Variants in USP34 observed in about 807,000 individuals in gnomAD.
USP34 encodes ubiquitin specific peptidase 34, also known as ubiquitin carboxyl-terminal hydrolase 34.
USP34 carries 70 observed loss-of-function variants against 460.3 expected under a neutral mutation model. The observed-to-expected ratio is 0.15, with a 90% confidence interval of 0.13 to 0.19. The LOEUF (loss-of-function observed/expected upper bound fraction) is 0.19. USP34 is among the 10% of genes least tolerant of loss of function. The pLI, the probability that USP34 is intolerant of heterozygous loss-of-function variation, is 1.00. For synonymous variants in USP34, 1,647 were observed against 1,405.3 expected, an observed-to-expected ratio of 1.17 and a Z score of -3.85; for missense variants, 3,985 against 4,236.2, an observed-to-expected ratio of 0.94 and a Z score of 1.65.
At chr2:61,434,871 G>A (rs1694770320) in intron 1 of USP34, among the ~76,000 whole-genome samples, 1 of 151,842 alleles carries the variant, frequency 6.6e-6, no homozygotes, top group South Asian at 2.1e-4. Flanking sequence ...TCCTGTAATA[G>A]ACCCCAATCA....
chr2:61,336,644 A>G (rs1003068076), intron 18 of USP34, among the ~76,000 whole-genome samples: 1 of 151,424 alleles, frequency 6.6e-6, no homozygotes, highest in Admixed American at 6.6e-5. Flanking sequence ...ACCCCATCTC[A>G]CCTAAAAATA....
chr2:61,403,806 T>A (rs1693788757), intron 3 of USP34, among the ~76,000 whole-genome samples: 1 of 151,300 alleles, frequency 6.6e-6, no homozygotes, highest in Non-Finnish European at 1.5e-5. Flanking sequence ...GCTAACAGGG[T>A]GAAGCCCCAT....
intron 5 of USP34, among the ~76,000 whole-genome samples, chr2:61,388,764 A>AAT (rs56090495): frequency 0.018 from 2,677 of 149,092 alleles, 35 homozygotes; most frequent in Middle Eastern, 0.034. Flanking sequence ...TCAGAAAAAG[A>AAT]ATATATATAT....
chr2:61,387,242 C>T (rs986405759), intron 5 of USP34, among the ~76,000 whole-genome samples: 3 of 152,034 alleles, frequency 2.0e-5, no homozygotes, highest in Non-Finnish European at 4.4e-5. Flanking sequence ...AGTCAGATCA[C>T]TTTGAGGTCA....
chr2:61,230,383 G>A (rs1043897772), intron 58 of USP34, among the ~76,000 whole-genome samples: 11 of 152,150 alleles, frequency 7.2e-5, no homozygotes, highest in African/African-American at 9.6e-5. Context: ...AAAATTAGCC[G>A]GGCGTGGTGG....
chr2:61,463,368 A>G (rs1430372898), intron 1 of USP34, among the ~76,000 whole-genome samples: 2 of 152,148 alleles, frequency 1.3e-5, no homozygotes. Context: ...TTCAATGAAA[A>G]AGATTCTTAT....
intron 1 of USP34, among the ~76,000 whole-genome samples, chr2:61,451,461 G>A (rs1345010862): frequency 1.3e-5 from 2 of 151,922 alleles, no homozygotes; most frequent in Non-Finnish European, 2.9e-5. Context: ...AAGGTGGGCG[G>A]ATCATCTGAG....
intron 10 of USP34, among the ~76,000 whole-genome samples, chr2:61,359,160 T>C (rs1692197050): frequency 6.6e-6 from 1 of 151,852 alleles, no homozygotes; most frequent in African/African-American, 2.4e-5. Context: ...AAGATGACTT[T>C]GAAACTTGCA....
intron 3 of USP34, among the ~76,000 whole-genome samples, chr2:61,403,386 G>T (rs1185393911): frequency 1.3e-5 from 2 of 152,040 alleles, no homozygotes; most frequent in East Asian, 1.9e-4. Context: ...AAATTTCTGT[G>T]AATTTCACAT....
At chr2:61,403,412 GA>G (rs1693778298) in intron 3 of USP34, among the ~76,000 whole-genome samples, 4 of 152,082 alleles carry the variant, frequency 2.6e-5, no homozygotes, top group African/African-American at 9.6e-5. Flanking sequence ...AGTCCCTAAC[GA>G]AACTATTTTC....
intron 2 of USP34, among the ~76,000 whole-genome samples, chr2:61,418,836 A>G (rs756890853): frequency 6.6e-6 from 1 of 152,232 alleles, no homozygotes; most frequent in Non-Finnish European, 1.5e-5. Context: ...TTTTATTACT[A>G]CGAGCTAACA....
chr2:61,257,438 A>C, intron 44 of USP34, 88 bp from the exon 45 acceptor site: 1 of 1,069,918 alleles, frequency 9.3e-7, no homozygotes, highest in Non-Finnish European at 1.3e-6. Flanking sequence ...AAAACAAAAG[A>C]ACAGGTAGTA....
At position 61,232,856 on chromosome 2, in the gene USP34, ATAT is replaced by A. The variant is rs202174751; in HGVS notation, c.7033-327_7033-325del. 1.1e-4 allele frequency among the ~76,000 whole-genome samples: 11 copies of A among 96,564 alleles called. 2 individuals carry two copies. The South Asian group carries it at 3.3e-3, about 29-fold the overall frequency. 63.3% of individuals were successfully genotyped at this position (96,564 alleles called of 152,430 possible). On this transcript the variant is annotated intron_variant, in intron 57 of 79. Coordinates refer to ENST00000398571, the MANE Select transcript of USP34 (RefSeq NM_014709.4). ...GTTCTTATTAATTATATATATATAT[ATAT>A]TCCCCCCCCCCTTTTTTTTTTTTTT... is the stretch of plus-strand genomic sequence containing the variant.
chr2:61,406,833 T>C (rs1693888162), intron 2 of USP34, among the ~76,000 whole-genome samples: 2 of 151,240 alleles, frequency 1.3e-5, no homozygotes, highest in Admixed American at 6.6e-5. Flanking sequence ...GGTGAAACCC[T>C]GTCTCTACTA....
chr2:61,343,171 C>G (rs1366411509), intron 16 of USP34, among the ~76,000 whole-genome samples: 1 of 152,224 alleles, frequency 6.6e-6, no homozygotes, highest in South Asian at 2.1e-4. Context: ...ATGATACCAA[C>G]CAAACAAGAG....
chr2:61,417,443 G>T, intron 2 of USP34: 1 of 360,388 alleles, frequency 2.8e-6, no homozygotes, highest in Non-Finnish European at 5.3e-6. Context: ...ACTTAAAAAT[G>T]ATGACACAGA....
At chr2:61,362,644 A>G (rs1041515140) in intron 10 of USP34, among the ~76,000 whole-genome samples, 1 of 152,186 alleles carries the variant, frequency 6.6e-6, no homozygotes, top group Non-Finnish European at 1.5e-5. Context: ...GGAGAGAGAA[A>G]TAAGTTGACA....
intron 1 of USP34, among the ~76,000 whole-genome samples, chr2:61,454,004 T>C (rs1042749394): frequency 1.3e-4 from 20 of 152,134 alleles, no homozygotes; most frequent in African/African-American, 4.8e-4. Context: ...TAGGTAAGTA[T>C]AAACTCAGTT....
chr2:61,443,414 A>G (rs1035534511), intron 1 of USP34, among the ~76,000 whole-genome samples: 2 of 152,232 alleles, frequency 1.3e-5, no homozygotes, highest in South Asian at 2.1e-4. Context: ...AAATCACTAC[A>G]TATCCCATAA....
Sources: gnomAD v4.1 joint callset for allele counts (sites outside exome capture counted in the v4.1 genomes callset) on GRCh38, gnomAD v4.1.1 for gene constraint, MANE v1.5 for transcripts, NCBI Gene and HGNC (gene_info 2026-07-23, HGNC 2026-07-21) for gene names.